HOMER3: variants seen among roughly 807,000 people sequenced by gnomAD.
The protein encoded by HOMER3 is homer protein homolog 3.
Under a neutral mutation model 45.5 loss-of-function variants are expected in HOMER3, and 34 were observed. The observed-to-expected ratio is 0.75, with a 90% CI of 0.57 to 1.00. The LOEUF (loss-of-function observed/expected upper bound fraction) is 1.00. Ranked by LOEUF, HOMER3 falls within the 50% of genes least tolerant of loss-of-function variation. HOMER3 has a pLI of 0.00. For synonymous variants in HOMER3, 223 were observed against 208.8 expected, an observed-to-expected ratio of 1.07 and a Z score of -0.58; for missense variants, 480 against 497.5, an observed-to-expected ratio of 0.96 and a Z score of 0.33.
At chr19:18,933,364 C>T (rs2057059379) in intron 5 of HOMER3, among the ~76,000 whole-genome samples, 1 of 152,196 alleles carries the variant, frequency 6.6e-6, no homozygotes. Flanking sequence ...AATCGGACAC[C>T]TCCCTGCTGT....
At position 18,938,327 on chromosome 19, in the gene HOMER3, T is replaced by G. The variant is rs79263742; in HGVS notation, c.303+26A>C. ...CTTGGGCCCAGTCTCATCGGTTCCC[T>G]CCACTCTCCCCCTCACCCGGCCCAC... On this transcript the variant is annotated intron_variant, in intron 4 of 9. Coordinates refer to ENST00000392351, the MANE Select transcript of HOMER3 (RefSeq NM_004838.4). The G allele has an allele frequency of 2.6e-3, 4,108 of 1,592,236 alleles. 95 individuals carry two copies. In the African/African-American group the frequency reaches 0.048, roughly 19 times the overall value.
chr19:18,932,907 C>CCA lies in HOMER3; in HGVS notation c.533+16_533+17insTG. 1.5e-6 allele frequency: 2 copies of CCA among 1,377,510 alleles called. No homozygotes were observed. The highest frequency in any genetic ancestry group is 2.9e-5 in the East Asian group (1 of 35,064). The allele number at this position is 1,377,510 out of a possible 1,614,324, so 85.3% of individuals were successfully genotyped here. A position where few individuals can be genotyped will look rare whatever the true frequency, so the allele number is the denominator to read the frequency against. Reference sequence around the variant, plus strand: ...CCTACCCCCGCCCCTGCCACGCCCCCAAGTCCCGCCCCTCACCCCTCAGAC... The same window carrying CCA: ...CCTACCCCCGCCCCTGCCACGCCCCCCAAAGTCCCGCCCCTCACCCCTCAGAC... On this transcript the variant is annotated intron_variant, in intron 6 of 9. Coordinates refer to ENST00000392351, the MANE Select transcript of HOMER3 (RefSeq NM_004838.4).
intron 6 of HOMER3, 40 bp downstream of exon 6, chr19:18,932,883 CT>C: frequency 3.6e-6 from 3 of 827,118 alleles, no homozygotes; most frequent in East Asian, 3.4e-5. Flanking sequence ...TCCCCCACCC[CT>C]ACCCCCGCCC....
At chr19:18,937,878 T>C (rs2057110703) in intron 4 of HOMER3, among the ~76,000 whole-genome samples, 1 of 151,500 alleles carries the variant, frequency 6.6e-6, no homozygotes. Context: ...GTGTCCAAAA[T>C]TAGAGCTACA....
chr19:18,930,029 C>G (rs1601266245), intron 9 of HOMER3, among the ~76,000 whole-genome samples: 1 of 151,972 alleles, frequency 6.6e-6, no homozygotes, highest in East Asian at 2.0e-4. Context: ...GCAGGTGGAT[C>G]CCCTGAGGTC....
At chr19:18,933,251 C>T (rs1473803133) in intron 5 of HOMER3, among the ~76,000 whole-genome samples, 2 of 152,132 alleles carry the variant, frequency 1.3e-5, no homozygotes. Context: ...ATGCCCACGC[C>T]CTCGACCTTG....
At chr19:18,940,690 G>C (rs2057146447) in intron 1 of HOMER3, 1 of 151,978 alleles carries the variant, frequency 6.6e-6, no homozygotes, top group South Asian at 2.1e-4. Context: ...CCGGTCCTCC[G>C]CGTTGTCCTA....
chr19:18,938,954 G>C lies in HOMER3; in HGVS notation c.14+15C>G. 6.2e-7 allele frequency: 1 copy of C among 1,605,698 alleles called. No individual in the cohort carries two copies. Among genetic ancestry groups the C allele is most frequent in the Non-Finnish European group, 8.5e-7 (1 of 1,175,830 alleles). The stretch of plus-strand genomic sequence containing the variant: ...TAGAAAGCTCAGGGCCAGGCTGGGG[G>C]AGGTGGGAGCTCACCTGGCTGTGGA... On this transcript the variant is annotated intron_variant, in intron 2 of 9. Transcript: ENST00000392351.
chr19:18,932,885 A>AAACC, intron 6 of HOMER3, 39 bp downstream of exon 6: 17 of 687,532 alleles, frequency 2.5e-5, no homozygotes, highest in South Asian at 1.4e-4. Context: ...CCCCACCCCT[A>AAACC]CCCCCGCCCC....
At chr19:18,930,277 G>A (rs1223746166) in intron 9 of HOMER3, among the ~76,000 whole-genome samples, 1 of 143,068 alleles carries the variant, frequency 7.0e-6, no homozygotes, top group Non-Finnish European at 1.5e-5. Context: ...GCTGGGCGCA[G>A]TGGTTTACGC....
At chr19:18,939,121 G>C (rs2057127710) in intron 1 of HOMER3, 72 bp from the exon 2 acceptor site, 1 of 809,818 alleles carries the variant, frequency 1.2e-6, no homozygotes, top group African/African-American at 1.7e-5. Flanking sequence ...TCCATCTCAG[G>C]ACCCATCACC....
At chr19:18,934,985 G>A (rs1346186289) in intron 4 of HOMER3, among the ~76,000 whole-genome samples, 1 of 151,658 alleles carries the variant, frequency 6.6e-6, no homozygotes, top group Non-Finnish European at 1.5e-5. Flanking sequence ...GGGATTACAG[G>A]CATGCACCAG....
intron 4 of HOMER3, among the ~76,000 whole-genome samples, chr19:18,937,662 G>C (rs1443868865): frequency 7.2e-6 from 1 of 138,426 alleles, no homozygotes; most frequent in Non-Finnish European, 1.5e-5. Context: ...ACAGAGCAAG[G>C]CATTATCTCC....
intron 4 of HOMER3, among the ~76,000 whole-genome samples, chr19:18,935,875 C>T (rs976326622): frequency 7.0e-6 from 1 of 142,536 alleles, no homozygotes; most frequent in African/African-American, 2.5e-5. Context: ...CAAAAATTAG[C>T]CAGGCATGGT....
intron 9 of HOMER3, among the ~76,000 whole-genome samples, chr19:18,931,079 G>A (rs1268748054): frequency 2.0e-5 from 3 of 152,194 alleles, no homozygotes; most frequent in Non-Finnish European, 4.4e-5. Context: ...ATCTCAGGCT[G>A]AGAACAGGAG....
chr19:18,931,582 G>A lies in HOMER3; in HGVS notation c.734C>T (p.Thr245Ile). The change falls in exon 8 of 10, where the codon ACC (threonine) becomes ATC (isoleucine). Residue 245 changes from threonine (T) to isoleucine (I), a missense_variant. Transcript: ENST00000392351. ...EAQAASEVTP[T>I]GEKEGLGQGQ... Reference sequence around the variant, plus strand: ...CTGGCCCAGCCCCTCCTTCTCACCGGTGGGGGTCACCTCTGAAGCTGCCTG... The same window carrying A: ...CTGGCCCAGCCCCTCCTTCTCACCGATGGGGGTCACCTCTGAAGCTGCCTG... 2 of 1,613,104 alleles carry A rather than the reference G, an allele frequency of 1.2e-6. No homozygotes were observed. Among genetic ancestry groups the A allele is most frequent in the South Asian group, 1.1e-5 (1 of 91,046 alleles).
chr19:18,937,028 G>A (rs893693639), intron 4 of HOMER3, among the ~76,000 whole-genome samples: 34 of 151,772 alleles, frequency 2.2e-4, no homozygotes, highest in Non-Finnish European at 3.8e-4. Context: ...TAAATTGTCT[G>A]GGTGCAGTGG....
In HOMER3 at chr19:18,931,659, C is replaced by G. The variant is rs190406448; in HGVS notation, c.691-34G>C. 1.2e-5 allele frequency: 18 copies of G among 1,560,750 alleles called. No individual in the cohort carries two copies. In the African/African-American group the frequency reaches 1.6e-4, roughly 14 times the overall value. On this transcript the variant is annotated intron_variant, in intron 7 of 9. Transcript: ENST00000392351. ...CAGGAATAGCAGCCCCTGACGCCCC[C>G]GCCTGCACTCTCCCTTGCTCGCCCA...
intron 3 of HOMER3, 99 bp downstream of exon 3, chr19:18,938,629 G>A (rs1423328271): frequency 1.7e-5 from 26 of 1,506,316 alleles, no homozygotes; most frequent in Non-Finnish European, 9.0e-7. Context: ...GGAAGGCTTA[G>A]GGTTTCCTGT....
Sources: allele counts gnomAD v4.1 joint callset (sites outside exome capture counted in the v4.1 genomes callset), GRCh38; gene constraint gnomAD v4.1.1; transcripts MANE v1.5; gene names NCBI Gene and HGNC (gene_info 2026-07-23, HGNC 2026-07-21).